GABRB2: variants seen among roughly 807,000 people sequenced by gnomAD.
GABRB2 encodes the protein gamma-aminobutyric acid receptor subunit beta-2.
A neutral mutation model predicts 54.7 loss-of-function variants in GABRB2; 16 were observed. The observed-to-expected ratio is 0.29, with a 90% confidence interval of 0.20 to 0.44. The LOEUF (loss-of-function observed/expected upper bound fraction) is 0.44, where lower values mean the gene tolerates loss of function less well. Among genes scored for constraint, GABRB2 ranks in the 20% least tolerant of loss-of-function variants. The pLI is 1.00. For synonymous variants in GABRB2, 244 were observed against 233.8 expected, an observed-to-expected ratio of 1.04 and a Z score of -0.40; for missense variants, 355 against 644.0, an observed-to-expected ratio of 0.55 and a Z score of 4.86.
chr5:161,482,246 C>T (rs1187444404), intron 3 of GABRB2, among the ~76,000 whole-genome samples: 3 of 151,964 alleles, frequency 2.0e-5, no homozygotes, highest in Non-Finnish European at 4.4e-5. Flanking sequence ...AGAAGATGAA[C>T]CTATGTGCCT....
At chr5:161,455,449 C>T (rs1410822363) in intron 4 of GABRB2, among the ~76,000 whole-genome samples, 3 of 151,896 alleles carry the variant, frequency 2.0e-5, no homozygotes, top group Non-Finnish European at 4.4e-5. Context: ...GGCTGCAGAC[C>T]TTTTAAATGT....
chr5:161,392,433 C>G (rs1420249814), intron 5 of GABRB2, among the ~76,000 whole-genome samples: 1 of 152,108 alleles, frequency 6.6e-6, no homozygotes, highest in East Asian at 1.9e-4. Flanking sequence ...TAATTGAAAT[C>G]TGGTACTTAT....
chr5:161,459,904 G>C, intron 3 of GABRB2, 60 bp from the exon 4 acceptor site: 1 of 900,492 alleles, frequency 1.1e-6, no homozygotes, highest in Non-Finnish European at 1.8e-6. Context: ...TGGGGGATAA[G>C]CAAACATCTC....
intron 3 of GABRB2, among the ~76,000 whole-genome samples, chr5:161,521,110 T>C (rs1416092167): frequency 6.6e-6 from 1 of 152,008 alleles, no homozygotes; most frequent in Admixed American, 6.6e-5. Context: ...CTTGTTTTAC[T>C]GCTTTTCTGA....
rs190091754 is a variant in GABRB2, at chr5:161,433,784, C to T, written c.459-22727G>A. 7.3e-3 allele frequency among the ~76,000 whole-genome samples: 1,109 copies of T among 151,972 alleles called. 51 individuals carry two copies. Among genetic ancestry groups the T allele is most frequent in the Admixed American group, 0.067 (1,021 of 15,254 alleles). On this transcript the variant is annotated intron_variant, in intron 4 of 9. Coordinates refer to ENST00000393959, the MANE Select transcript of GABRB2 (RefSeq NM_001371727.1). Reference sequence around the variant, plus strand: ...TATTAATTTATTTACAGGTTCTTTCCTATTGGAAGAACCCTGCAGGATGAT... The same window carrying T: ...TATTAATTTATTTACAGGTTCTTTCTTATTGGAAGAACCCTGCAGGATGAT...
intron 5 of GABRB2, among the ~76,000 whole-genome samples, chr5:161,356,256 G>A (rs1364411488): frequency 6.6e-6 from 1 of 152,138 alleles, no homozygotes; most frequent in Non-Finnish European, 1.5e-5. Flanking sequence ...GAAACCACCA[G>A]AATAATTCTA....
intron 5 of GABRB2, among the ~76,000 whole-genome samples, chr5:161,402,708 C>T (rs1048457962): frequency 1.3e-5 from 2 of 152,134 alleles, no homozygotes; most frequent in Admixed American, 1.3e-4. Context: ...TCTGTATGGC[C>T]TGGGAATTTG....
intron 5 of GABRB2, among the ~76,000 whole-genome samples, chr5:161,398,648 CTG>C (rs903260164): frequency 4.7e-5 from 7 of 149,152 alleles, no homozygotes; most frequent in Non-Finnish European, 1.5e-5. Flanking sequence ...TCCATAGACA[CTG>C]TTTTTTTGTT....
chr5:161,385,655 C>T (rs1337895972), intron 5 of GABRB2, among the ~76,000 whole-genome samples: 1 of 152,140 alleles, frequency 6.6e-6, no homozygotes, highest in South Asian at 2.1e-4. Flanking sequence ...TAGCCTGTGC[C>T]ATGCCCTGCG....
At chr5:161,440,696 T>C (rs181900147) in intron 4 of GABRB2, among the ~76,000 whole-genome samples, 1 of 152,058 alleles carries the variant, frequency 6.6e-6, no homozygotes, top group East Asian at 1.9e-4. Context: ...ACCAGAGGAA[T>C]CACATTACTT....
At chr5:161,381,455 G>C (rs1019881698) in intron 5 of GABRB2, among the ~76,000 whole-genome samples, 12 of 152,136 alleles carry the variant, frequency 7.9e-5, no homozygotes, top group South Asian at 2.1e-4. Flanking sequence ...GAAAGACTCA[G>C]GGTGGGGAAT....
At chr5:161,487,728 C>G (rs999783009) in intron 3 of GABRB2, among the ~76,000 whole-genome samples, 4 of 151,810 alleles carry the variant, frequency 2.6e-5, no homozygotes, top group Admixed American at 1.3e-4. Context: ...GAAGACTAAA[C>G]AAAATAACAT....
intron 6 of GABRB2, among the ~76,000 whole-genome samples, chr5:161,335,851 G>A (rs769817454): frequency 2.0e-5 from 3 of 152,136 alleles, no homozygotes; most frequent in Non-Finnish European, 2.9e-5. Flanking sequence ...GCCTGAAGTG[G>A]TTTGTAGGCA....
At chr5:161,544,175 A>G (rs1760900620) in intron 3 of GABRB2, among the ~76,000 whole-genome samples, 1 of 152,214 alleles carries the variant, frequency 6.6e-6, no homozygotes, top group South Asian at 2.1e-4. Context: ...GTTTTGCATA[A>G]AAGTTTATAT....
intron 3 of GABRB2, among the ~76,000 whole-genome samples, chr5:161,494,781 T>C (rs899272693): frequency 6.6e-6 from 1 of 151,844 alleles, no homozygotes; most frequent in Admixed American, 6.6e-5. Context: ...AAATGCCACC[T>C]GGTGTCTTTG....
At chr5:161,437,851 T>TA (rs894047193) in intron 4 of GABRB2, among the ~76,000 whole-genome samples, 1 of 152,182 alleles carries the variant, frequency 6.6e-6, no homozygotes, top group Non-Finnish European at 1.5e-5. Flanking sequence ...GACTGTGTCT[T>TA]ATGGTATGAG....
At chr5:161,422,459 T>C (rs1756879063) in intron 4 of GABRB2, among the ~76,000 whole-genome samples, 1 of 152,152 alleles carries the variant, frequency 6.6e-6, no homozygotes, top group Non-Finnish European at 1.5e-5. Context: ...AGGAAAGTTT[T>C]ATTAATAAGT....
At chr5:161,353,115 G>A (rs1426582897) in intron 5 of GABRB2, among the ~76,000 whole-genome samples, 1 of 151,958 alleles carries the variant, frequency 6.6e-6, no homozygotes, top group Non-Finnish European at 1.5e-5. Flanking sequence ...TTATAGCTAA[G>A]GCAAAATATT....
chr5:161,538,998 C>A (rs1310059830), intron 3 of GABRB2, among the ~76,000 whole-genome samples: 1 of 152,312 alleles, frequency 6.6e-6, no homozygotes, highest in East Asian at 1.9e-4. Context: ...AAGAAAACAT[C>A]TGTTTAAAAA....
Sources: gnomAD v4.1 joint callset for allele counts (sites outside exome capture counted in the v4.1 genomes callset) on GRCh38, gnomAD v4.1.1 for gene constraint, MANE v1.5 for transcripts, NCBI Gene and HGNC (gene_info 2026-07-23, HGNC 2026-07-21) for gene names.